MAP3K7: variants seen among roughly 807,000 people sequenced by gnomAD.
MAP3K7 encodes the protein TGF-beta activated kinase 1.
In MAP3K7, 21 loss-of-function variants were observed where a neutral mutation model predicts 84.8. The observed-to-expected ratio is 0.25, with a 90% CI of 0.18 to 0.36. The LOEUF (loss-of-function observed/expected upper bound fraction) is 0.36. MAP3K7 is among the 10% of genes least tolerant of loss of function. The probability of loss-of-function intolerance (pLI) is 1.00; values close to 1 mark genes in which losing one functional copy is unlikely to be tolerated. For synonymous variants in MAP3K7, 241 were observed against 247.7 expected, an observed-to-expected ratio of 0.97 and a Z score of 0.25; for missense variants, 503 against 747.7, an observed-to-expected ratio of 0.67 and a Z score of 3.82.
intron 1 of MAP3K7, among the ~76,000 whole-genome samples, chr6:90,577,241 A>T (rs1005308690): frequency 1.5e-4 from 23 of 152,206 alleles, no homozygotes; most frequent in Non-Finnish European, 3.1e-4. Flanking sequence ...GAATCAAGGA[A>T]AACACCTAGA....
chr6:90,514,720 C>T lies in MAP3K7; in HGVS notation c.*1781G>A, dbSNP rs1462792410. ...GACTAGGTCCCTTTCAGTGGAGTGA[C>T]AGATGTACATACAAGCAACAATGCT... On this transcript the variant is annotated 3_prime_UTR_variant, in exon 17 of 17. Coordinates refer to ENST00000369329, the MANE Select transcript of MAP3K7 (RefSeq NM_145331.3). 1 of 151,920 alleles carries T rather than the reference C, an allele frequency of 6.6e-6. No homozygotes were observed. The highest frequency in any genetic ancestry group is 2.4e-5 in the African/African-American group (1 of 41,398). The allele number at this position is 151,920 out of a possible 1,614,324, so 9.4% of individuals were successfully genotyped here.
At chr6:90,538,108 C>T (rs1197801726) in intron 12 of MAP3K7, among the ~76,000 whole-genome samples, 1 of 151,888 alleles carries the variant, frequency 6.6e-6, no homozygotes, top group Non-Finnish European at 1.5e-5. Context: ...CTTTAAGCTA[C>T]TGCATGAATC....
rs758604367 is a variant in MAP3K7, at chr6:90,548,071, C to A, written c.1056G>T (p.Leu352Phe). 6.2e-7 allele frequency: 1 copy of A among 1,610,168 alleles called. No homozygotes were observed. Among genetic ancestry groups the A allele is most frequent in the Admixed American group, 1.7e-5 (1 of 59,400 alleles). The change falls in exon 10 of 17, where the codon TTG becomes TTT. Residue 352 changes from leucine (L) to phenylalanine (F), a missense_variant. Transcript: ENST00000369329. Reference sequence around the variant, plus strand: ...CCTGTTGCTTTGCCTGATTTTTCAACAATTTTGATTCTAAGCGCTTAATAG... The same window carrying A: ...CCTGTTGCTTTGCCTGATTTTTCAAAAATTTTGATTCTAAGCGCTTAATAG... ...NDTIKRLESK[L>F]LKNQAKQQSE...
At chr6:90,573,245 C>T (rs568466283) in intron 1 of MAP3K7, among the ~76,000 whole-genome samples, 2 of 152,194 alleles carry the variant, frequency 1.3e-5, no homozygotes, top group South Asian at 2.1e-4. Flanking sequence ...TATATAAAGC[C>T]CCATGTCGGG....
intron 12 of MAP3K7, among the ~76,000 whole-genome samples, chr6:90,542,984 C>G (rs1049703785): frequency 6.6e-6 from 1 of 152,010 alleles, no homozygotes; most frequent in African/African-American, 2.4e-5. Context: ...GCGTGGGCTA[C>G]GCTGCCATAT....
At chr6:90,527,331 C>T (rs1015072590) in intron 13 of MAP3K7, among the ~76,000 whole-genome samples, 2 of 152,004 alleles carry the variant, frequency 1.3e-5, no homozygotes, top group South Asian at 4.1e-4. Flanking sequence ...GGCACCAACA[C>T]AGCTCACTGC....
intron 9 of MAP3K7, among the ~76,000 whole-genome samples, chr6:90,549,887 A>G (rs1043172017): frequency 6.6e-5 from 10 of 152,214 alleles, no homozygotes; most frequent in African/African-American, 2.4e-4. Flanking sequence ...GTGCATATAG[A>G]CACACACATA....
chr6:90,556,800 T>C (rs1776351782), intron 5 of MAP3K7, among the ~76,000 whole-genome samples, 176 bp from the exon 6 acceptor site: 1 of 152,136 alleles, frequency 6.6e-6, no homozygotes. Context: ...TTCAGAGAAA[T>C]AATAAGCAAA....
Position 90,519,293 on chromosome 6 carries a change from G to A in MAP3K7, c.1489C>T (p.Pro497Ser). The change falls in exon 15 of 17, where the codon CCA becomes TCA. Residue 497 changes from proline (P) to serine (S), a missense_variant. Physicochemically the swap from Pro to Ser is moderately conservative, Grantham distance 74 (BLOSUM62 -1). Coordinates refer to ENST00000369329, the MANE Select transcript of MAP3K7 (RefSeq NM_145331.3). The stretch of plus-strand genomic sequence containing the variant: ...TGATCCAGTGTAAGATAAGCCATTG[G>A]GATGGAGTTATCTGATCCATTGGTA... ...TDTNGSDNSI[P>S]MAYLTLDHQL... is the part of the protein sequence containing the mutation. The A allele has an allele frequency of 3.2e-6, 5 of 1,585,674 alleles. No homozygotes were observed. Among genetic ancestry groups the A allele is most frequent in the Non-Finnish European group, 4.3e-6 (5 of 1,168,504 alleles).
At chr6:90,573,968 A>G (rs1026152287) in intron 1 of MAP3K7, among the ~76,000 whole-genome samples, 6 of 152,182 alleles carry the variant, frequency 3.9e-5, no homozygotes, top group African/African-American at 1.2e-4. Flanking sequence ...CAGTTACTTT[A>G]TTGTGAATAG....
chr6:90,579,040 T>A (rs1368614871), intron 1 of MAP3K7, among the ~76,000 whole-genome samples: 2 of 152,122 alleles, frequency 1.3e-5, no homozygotes, highest in African/African-American at 4.8e-5. Flanking sequence ...TATTCAAGGA[T>A]CATGTAATTA....
chr6:90,572,313 C>G (rs568614047), intron 1 of MAP3K7, among the ~76,000 whole-genome samples: 2 of 151,982 alleles, frequency 1.3e-5, no homozygotes, highest in African/African-American at 4.8e-5. Context: ...GAAGGACAGA[C>G]AAAATATAGT....
chr6:90,577,365 A>T (rs1777120766), intron 1 of MAP3K7, among the ~76,000 whole-genome samples: 1 of 152,244 alleles, frequency 6.6e-6, no homozygotes, highest in Admixed American at 6.5e-5. Flanking sequence ...AAGAGGAGAT[A>T]TCAAGTAAGA....
At chr6:90,585,929 GGTA>G (rs1187729983) in intron 1 of MAP3K7, among the ~76,000 whole-genome samples, 1 of 152,122 alleles carries the variant, frequency 6.6e-6, no homozygotes, top group Non-Finnish European at 1.5e-5. Flanking sequence ...ATTGCTGTGC[GGTA>G]TCGGAGAAAT....
chr6:90,586,020 C>T (rs1777435980), intron 1 of MAP3K7, among the ~76,000 whole-genome samples: 1 of 152,190 alleles, frequency 6.6e-6, no homozygotes, highest in South Asian at 2.1e-4. Flanking sequence ...TATTGAGCAT[C>T]CCCTACATGC....
At position 90,548,102 on chromosome 6, in the gene MAP3K7, T is replaced by C; in HGVS notation, c.1025A>G (p.Asn342Ser). Residue 342 changes from asparagine to serine, a missense_variant, in exon 10 of 17, where the codon AAT becomes AGT. Coordinates refer to ENST00000369329, the MANE Select transcript of MAP3K7 (RefSeq NM_145331.3). ...DTNMEQVPAT[N>S]DTIKRLESKL... ...TGATTCTAAGCGCTTAATAGTATCA[T>C]TTGTGGCAGGAACTTGCTCCATATT... is the stretch of plus-strand genomic sequence containing the variant. 6.2e-7 allele frequency: 1 copy of C among 1,612,428 alleles called. No individual in the cohort carries two copies. Among genetic ancestry groups the C allele is most frequent in the Non-Finnish European group, 8.5e-7 (1 of 1,179,062 alleles).
Position 90,568,701 on chromosome 6 carries a change from T to C in MAP3K7, c.232-78A>G, listed in dbSNP as rs1145735. On this transcript the variant is annotated intron_variant, in intron 2 of 16. Coordinates refer to ENST00000369329, the MANE Select transcript of MAP3K7 (RefSeq NM_145331.3). ...TTTCACAGTATCATTAAAATCTTAC[T>C]GTTGTACAAAACATTTGTTTAAATC... 245,801 of 1,012,390 alleles carry C rather than the reference T, an allele frequency of 0.24. 33,466 individuals carry two copies. Among genetic ancestry groups the C allele is most frequent in the Non-Finnish European group, 0.28 (185,574 of 671,820 alleles). 62.7% of individuals were successfully genotyped at this position (1,012,390 alleles called of 1,614,324 possible). A position where few individuals can be genotyped will look rare whatever the true frequency, so the allele number is the denominator to read the frequency against.
chr6:90,555,801 C>T (rs992119033), intron 6 of MAP3K7, among the ~76,000 whole-genome samples: 5 of 152,134 alleles, frequency 3.3e-5, no homozygotes, highest in South Asian at 4.1e-4. Context: ...TTGTTTCATG[C>T]GTATTTCTGC....
intron 15 of MAP3K7, 147 bp from the exon 16 acceptor site, chr6:90,518,709 A>C (rs1300205432): frequency 6.7e-6 from 4 of 595,866 alleles, no homozygotes; most frequent in Non-Finnish European, 1.2e-5. Context: ...GCCCTAGAAA[A>C]TCTCAGTGTC....
Sources: gnomAD v4.1 joint callset for allele counts (sites outside exome capture counted in the v4.1 genomes callset) on GRCh38, gnomAD v4.1.1 for gene constraint, MANE v1.5 for transcripts, NCBI Gene and HGNC (gene_info 2026-07-23, HGNC 2026-07-21) for gene names.